Variants in VWA3B observed in about 807,000 individuals in gnomAD.
VWA3B encodes the protein von Willebrand factor A domain containing 3B.
Under a neutral mutation model 158.3 loss-of-function variants are expected in VWA3B, and 138 were observed. The ratio of observed to expected loss-of-function variants is 0.87; its 90% CI spans 0.76 to 1.00. The LOEUF is 1.00. Ranked by LOEUF, VWA3B falls within the 50% of genes least tolerant of loss-of-function variation. The pLI, the probability that VWA3B is intolerant of heterozygous loss-of-function variation, is 0.00. For missense variants in VWA3B, 1,555 were observed against 1,565.1 expected, an observed-to-expected ratio of 0.99 and a Z score of 0.11; for synonymous variants, 596 against 587.3, an observed-to-expected ratio of 1.01 and a Z score of -0.21.
intron 8 of VWA3B, among the ~76,000 whole-genome samples, chr2:98,171,809 C>A (rs1679610248): frequency 6.6e-6 from 1 of 152,046 alleles, no homozygotes; most frequent in Admixed American, 6.5e-5. Flanking sequence ...GTAGGAGGAG[C>A]CTGTGAAGGT....
intron 12 of VWA3B, chr2:98,206,612 G>C: frequency 2.3e-6 from 1 of 425,566 alleles, no homozygotes; most frequent in South Asian, 2.2e-5. Context: ...TGATGAAAGC[G>C]GTCCCATCAA....
At chr2:98,107,676 A>G (rs1331195558) in intron 2 of VWA3B, among the ~76,000 whole-genome samples, 1 of 152,028 alleles carries the variant, frequency 6.6e-6, no homozygotes, top group African/African-American at 2.4e-5. Flanking sequence ...GTAGTATTCT[A>G]TTATTCTTTT....
intron 12 of VWA3B, chr2:98,206,598 C>T: frequency 2.2e-6 from 1 of 451,470 alleles, no homozygotes; most frequent in East Asian, 5.1e-5. Flanking sequence ...ATTGGAGAGC[C>T]TATTGATGAA....
At chr2:98,249,674 G>A (rs1686669517) in intron 19 of VWA3B, among the ~76,000 whole-genome samples, 1 of 152,004 alleles carries the variant, frequency 6.6e-6, no homozygotes, top group Non-Finnish European at 1.5e-5. Context: ...TAAGTACCAG[G>A]CACAGAGAGA....
chr2:98,115,682 C>T lies in VWA3B; in HGVS notation c.227C>T (p.Ala76Val), dbSNP rs1674479030. ...GTGGCGTCTCTGGGGAGACCTGTGG[C>T]TTCTCGGTATGCTGATGGTCTGTTT... ...DYVASLGRPV[A>V]SRYADGLFPQ... Residue 76 changes from alanine (A) to valine (V), a missense_variant, in exon 3 of 28, where the codon GCT becomes GTT. Coordinates refer to ENST00000477737, the MANE Select transcript of VWA3B (RefSeq NM_144992.5). The T allele has an allele frequency of 1.2e-6, 2 of 1,613,724 alleles. No homozygotes were observed. Among genetic ancestry groups the T allele is most frequent in the Admixed American group, 3.3e-5 (2 of 59,996 alleles).
chr2:98,123,377 C>G (rs1675115507), intron 5 of VWA3B, among the ~76,000 whole-genome samples: 1 of 152,178 alleles, frequency 6.6e-6, no homozygotes, highest in Admixed American at 6.5e-5. Context: ...CGTTTCTATA[C>G]CAAGCCCACA....
At chr2:98,118,241 C>A (rs757408835) in intron 3 of VWA3B, among the ~76,000 whole-genome samples, 2 of 152,118 alleles carry the variant, frequency 1.3e-5, no homozygotes, top group Admixed American at 6.5e-5. Context: ...GTAGCAGTAG[C>A]TGTGGATGCT....
chr2:98,217,826 C>T lies in VWA3B; in HGVS notation c.1837-20C>T, dbSNP rs1684155275. The T allele has an allele frequency of 1.9e-6, 3 of 1,560,348 alleles. No homozygotes were observed. Among genetic ancestry groups the T allele is most frequent in the Admixed American group, 2.0e-5 (1 of 50,864 alleles). ...CTCTTTCCATCTCCCTTCCCCCATC[C>T]CCAAAACTTATCGTTTCAGCCACCT... On this transcript the variant is annotated intron_variant, in intron 13 of 27. Coordinates refer to ENST00000477737, the MANE Select transcript of VWA3B (RefSeq NM_144992.5).
In VWA3B at chr2:98,228,264, G is replaced by A. The variant is rs543694837; in HGVS notation, c.2082G>A (p.Met694Ile). ...AGGGTCACAGTGATCTGGAGAAGAT[G>A]CAAGACCTTTATTCTGAGTCCTTGA... ...MEQGHSDLEK[M>I]QDLYSESLIM... The change falls in exon 15 of 28, where the codon ATG becomes ATA. Residue 694 changes from methionine (M) to isoleucine (I), a missense_variant. Met to Ile is a conservative substitution (Grantham distance 10). Coordinates refer to ENST00000477737, the MANE Select transcript of VWA3B (RefSeq NM_144992.5). 18 of 1,614,010 alleles carry A rather than the reference G, an allele frequency of 1.1e-5. No homozygotes were observed. Among genetic ancestry groups the A allele is most frequent in the Non-Finnish European group, 1.5e-5 (18 of 1,180,012 alleles).
At chr2:98,220,421 T>C (rs1684401147) in intron 14 of VWA3B, among the ~76,000 whole-genome samples, 1 of 152,186 alleles carries the variant, frequency 6.6e-6, no homozygotes, top group African/African-American at 2.4e-5. Flanking sequence ...CCAGCAAAGA[T>C]AGAGTAGTGC....
intron 7 of VWA3B, among the ~76,000 whole-genome samples, chr2:98,156,574 C>T (rs973369900): frequency 6.6e-6 from 1 of 152,024 alleles, no homozygotes; most frequent in African/African-American, 2.4e-5. Context: ...AGCAGCCCTG[C>T]CACCGTCTTT....
chr2:98,237,721 C>T (rs1400654597), intron 19 of VWA3B, among the ~76,000 whole-genome samples: 1 of 152,182 alleles, frequency 6.6e-6, no homozygotes, highest in East Asian at 1.9e-4. Flanking sequence ...ACAACAGCAA[C>T]TAACGATTTA....
intron 12 of VWA3B, among the ~76,000 whole-genome samples, chr2:98,208,574 A>G (rs1456143436): frequency 6.6e-6 from 1 of 152,112 alleles, no homozygotes. Context: ...CATATATGTA[A>G]CTTATCACAG....
chr2:98,248,322 G>T (rs551046471), intron 19 of VWA3B, among the ~76,000 whole-genome samples: 31 of 151,888 alleles, frequency 2.0e-4, no homozygotes, highest in Middle Eastern at 3.4e-3. Flanking sequence ...GGCATTTTTT[G>T]GTGTATACTT....
At chr2:98,107,972 T>G (rs1673808297) in intron 2 of VWA3B, among the ~76,000 whole-genome samples, 2 of 151,966 alleles carry the variant, frequency 1.3e-5, no homozygotes, top group Non-Finnish European at 2.9e-5. Context: ...GATTTGAGAT[T>G]TTATGTTTTC....
intron 4 of VWA3B, among the ~76,000 whole-genome samples, chr2:98,120,134 A>G (rs1051517549): frequency 1.3e-5 from 2 of 152,150 alleles, no homozygotes; most frequent in African/African-American, 4.8e-5. Flanking sequence ...AATTTCACTG[A>G]TTTTCCAGAC....
chr2:98,267,577 A>G (rs1312825219), intron 21 of VWA3B, among the ~76,000 whole-genome samples: 1 of 152,094 alleles, frequency 6.6e-6, no homozygotes, highest in Non-Finnish European at 1.5e-5. Flanking sequence ...AATGCCCACA[A>G]GAGAGAGCAG....
chr2:98,178,096 T>A (rs1680162925), intron 8 of VWA3B, among the ~76,000 whole-genome samples: 1 of 152,180 alleles, frequency 6.6e-6, no homozygotes, highest in African/African-American at 2.4e-5. Flanking sequence ...GAGGCTGATC[T>A]CCCTGACAGA....
At chr2:98,212,070 T>TGGAA in intron 13 of VWA3B, 42 bp downstream of exon 13, 1 of 1,573,762 alleles carries the variant, frequency 6.4e-7, no homozygotes, top group Non-Finnish European at 8.7e-7. Flanking sequence ...TCACTGATGC[T>TGGAA]CTGAAAGCAA....
Sources: allele counts gnomAD v4.1 joint callset (sites outside exome capture counted in the v4.1 genomes callset), GRCh38; gene constraint gnomAD v4.1.1; transcripts MANE v1.5; gene names NCBI Gene and HGNC (gene_info 2026-07-23, HGNC 2026-07-21).